Variants in CTNNA1 observed in about 807,000 individuals in gnomAD.
The protein encoded by CTNNA1 is catenin alpha-1.
Under a neutral mutation model 98.4 loss-of-function variants are expected in CTNNA1, and 37 were observed. The ratio of observed to expected loss-of-function variants is 0.38; its 90% CI spans 0.29 to 0.49. The LOEUF (loss-of-function observed/expected upper bound fraction) is 0.49. Among genes scored for constraint, CTNNA1 ranks in the 20% least tolerant of loss-of-function variants. The probability of loss-of-function intolerance (pLI) is 0.95; values close to 1 mark genes in which losing one functional copy is unlikely to be tolerated. For synonymous variants in CTNNA1, 404 were observed against 413.2 expected (o/e 0.98, Z 0.27); for missense variants, 761 against 1,147.2 (o/e 0.66, Z 4.86).
Position 138,930,456 on chromosome 5 carries a change from T to C in CTNNA1, c.2011-17T>C. The C allele has an allele frequency of 1.3e-6, 2 of 1,592,468 alleles. No homozygotes were observed. Among genetic ancestry groups the C allele is most frequent in the Non-Finnish European group, 1.7e-6 (2 of 1,168,728 alleles). ...ATATTCTTTTTATGTAAGAGCTCTT[T>C]GTGCTTCTGATCACAGGCGATCATG... On this transcript the variant is annotated splice_polypyrimidine_tract_variant and intron_variant, in intron 14 of 17. Transcript: ENST00000302763.
intron 11 of CTNNA1, among the ~76,000 whole-genome samples, chr5:138,923,006 C>T (rs1031912616): frequency 7.5e-6 from 1 of 134,128 alleles, no homozygotes. Flanking sequence ...CACTTTTGAA[C>T]GGAAAGGAAT....
intron 6 of CTNNA1, among the ~76,000 whole-genome samples, chr5:138,826,011 G>A (rs1257887932): frequency 6.6e-6 from 1 of 152,100 alleles, no homozygotes; most frequent in South Asian, 2.1e-4. Context: ...TGTAAAATGA[G>A]GGTTTGTGCT....
At chr5:138,862,165 C>G (rs1054091020) in intron 7 of CTNNA1, among the ~76,000 whole-genome samples, 2 of 152,126 alleles carry the variant, frequency 1.3e-5, no homozygotes, top group Non-Finnish European at 2.9e-5. Context: ...GAGGATTACT[C>G]TCCAGCTATC....
At position 138,812,293 on chromosome 5, in the gene CTNNA1, A is replaced by G. The variant is rs2149736870; in HGVS notation, c.579A>G (p.Lys193=). The G allele has an allele frequency of 2.5e-6, 4 of 1,613,354 alleles. No homozygotes were observed. The highest frequency in any genetic ancestry group is 2.5e-6 in the Non-Finnish European group (3 of 1,179,772). The change falls in exon 5 of 18, where the codon AAA becomes AAG. Residue 193 remains lysine, a synonymous_variant. Transcript: ENST00000302763. The part of the protein sequence containing the change: ...EVDKLNIMAA[K]RQQELKDVGH... ...ATAAGCTGAACATTATGGCAGCCAA[A>G]AGACAACAGGTACAGTCATGATTTG...
chr5:138,829,623 C>A (rs1296963258), intron 7 of CTNNA1, among the ~76,000 whole-genome samples: 1 of 152,184 alleles, frequency 6.6e-6, no homozygotes, highest in Non-Finnish European at 1.5e-5. Context: ...ACTGTCTATT[C>A]ATGCCATCAG....
At chr5:138,839,424 C>T (rs1419236783) in intron 7 of CTNNA1, among the ~76,000 whole-genome samples, 1 of 152,078 alleles carries the variant, frequency 6.6e-6, no homozygotes, top group Non-Finnish European at 1.5e-5. Context: ...TGGTCTCTAA[C>T]TCCTGACCTC....
rs565399134 is a variant in CTNNA1 at position 138,852,982 on chromosome 5, A to G, written c.1062+25264A>G. ...ATCAGTAACTCATGGAAATCCTTGCAAGCCTTCTGGTTTACCTCTAATTTG... is the reference window on the plus strand; with the variant it reads ...ATCAGTAACTCATGGAAATCCTTGCGAGCCTTCTGGTTTACCTCTAATTTG... On this transcript the variant is annotated intron_variant, in intron 7 of 17. Coordinates refer to ENST00000302763, the MANE Select transcript of CTNNA1 (RefSeq NM_001903.5). 7.2e-5 allele frequency among the ~76,000 whole-genome samples: 11 copies of G among 152,266 alleles called. No homozygotes were observed. In the South Asian group the frequency reaches 2.1e-3, roughly 29 times the overall value.
At chr5:138,756,235 C>T (rs1751634953) in intron 1 of CTNNA1, among the ~76,000 whole-genome samples, 1 of 151,846 alleles carries the variant, frequency 6.6e-6, no homozygotes, top group African/African-American at 2.4e-5. Context: ...GAGGGTTTCA[C>T]CATGTTGGCC....
intron 3 of CTNNA1, among the ~76,000 whole-genome samples, chr5:138,787,379 C>G (rs1283403409): frequency 6.6e-6 from 1 of 151,998 alleles, no homozygotes; most frequent in Admixed American, 6.5e-5. Flanking sequence ...GACCGTGCCA[C>G]TGCACTCCAG....
chr5:138,933,039 C>G, intron 17 of CTNNA1: 1 of 755,314 alleles, frequency 1.3e-6, no homozygotes, highest in Non-Finnish European at 2.4e-6. Flanking sequence ...GAGGCTGAGA[C>G]ACAATAATTA....
At chr5:138,902,534 C>T (rs1758278684) in intron 9 of CTNNA1, among the ~76,000 whole-genome samples, 1 of 152,244 alleles carries the variant, frequency 6.6e-6, no homozygotes, top group Non-Finnish European at 1.5e-5. Context: ...ATTCTCCTGC[C>T]TCAGCCTCCC....
chr5:138,922,996 C>T (rs1242534794), intron 11 of CTNNA1, among the ~76,000 whole-genome samples: 3 of 127,994 alleles, frequency 2.3e-5, no homozygotes, highest in Non-Finnish European at 5.1e-5. Context: ...AAGTTTGGGT[C>T]ACTTTTGAAC....
rs1285071344 is a variant in CTNNA1, at chr5:138,934,391, A to G, written c.*302A>G. Reference sequence around the variant, plus strand: ...ATGCTCTGACCAAGCCGAGATGCCCATTCTCTTAGTGATGGCGGCGTTAGG... The same window carrying G: ...ATGCTCTGACCAAGCCGAGATGCCCGTTCTCTTAGTGATGGCGGCGTTAGG... On this transcript the variant is annotated 3_prime_UTR_variant, in exon 18 of 18. Transcript: ENST00000302763. 3 of 317,506 alleles carry G rather than the reference A, an allele frequency of 9.4e-6. No individual in the cohort carries two copies. The highest frequency in any genetic ancestry group is 9.5e-5 in the Admixed American group (2 of 21,026). The allele number at this position is 317,506 out of a possible 1,614,324, so 19.7% of individuals were successfully genotyped here.
At chr5:138,921,654 G>T (rs1245080370) in intron 11 of CTNNA1, among the ~76,000 whole-genome samples, 1 of 134,250 alleles carries the variant, frequency 7.4e-6, no homozygotes, top group African/African-American at 2.9e-5. Flanking sequence ...AGGCTGGAAT[G>T]CAGTGGCATG....
At chr5:138,845,411 C>T (rs1219518243) in intron 7 of CTNNA1, among the ~76,000 whole-genome samples, 3 of 152,046 alleles carry the variant, frequency 2.0e-5, no homozygotes. Context: ...TCTTTAAGGC[C>T]CTGTTCAGCA....
intron 7 of CTNNA1, among the ~76,000 whole-genome samples, chr5:138,840,254 C>A (rs891915731): frequency 6.6e-6 from 1 of 152,206 alleles, no homozygotes; most frequent in Non-Finnish European, 1.5e-5. Flanking sequence ...GTGACAGGTG[C>A]TTTATAGCTT....
chr5:138,924,157 G>C (rs1273763303), intron 11 of CTNNA1, among the ~76,000 whole-genome samples: 1 of 152,210 alleles, frequency 6.6e-6, no homozygotes, highest in Admixed American at 6.5e-5. Flanking sequence ...CATAGAGTCA[G>C]TGAAGCTAGA....
At chr5:138,797,844 T>C (rs1394969142) in intron 3 of CTNNA1, among the ~76,000 whole-genome samples, 1 of 151,226 alleles carries the variant, frequency 6.6e-6, no homozygotes, top group East Asian at 1.9e-4. Flanking sequence ...CTTGAGAACT[T>C]CTTTAAAACA....
At chr5:138,789,222 A>G (rs183724572) in intron 3 of CTNNA1, among the ~76,000 whole-genome samples, 1 of 151,912 alleles carries the variant, frequency 6.6e-6, no homozygotes, top group East Asian at 1.9e-4. Context: ...ATACATGAAT[A>G]CGAAAAATAA....
Sources: gnomAD v4.1 joint callset for allele counts (sites outside exome capture counted in the v4.1 genomes callset) on GRCh38, gnomAD v4.1.1 for gene constraint, MANE v1.5 for transcripts, NCBI Gene and HGNC (gene_info 2026-07-23, HGNC 2026-07-21) for gene names.